Variants in PLXDC1 observed in about 807,000 individuals in gnomAD.
PLXDC1 encodes plexin domain-containing protein 1.
PLXDC1 carries 39 observed loss-of-function variants against 61.3 expected under a neutral mutation model. The ratio of observed to expected loss-of-function variants is 0.64; its 90% confidence interval spans 0.49 to 0.83. PLXDC1 has a LOEUF of 0.83. PLXDC1 is among the 40% of genes least tolerant of loss of function. PLXDC1 has a pLI of 0.00. For missense variants in PLXDC1, 596 were observed against 666.5 expected, an observed-to-expected ratio of 0.89 and a Z score of 1.17; for synonymous variants, 212 against 254.5, an observed-to-expected ratio of 0.83 and a Z score of 1.59.
At position 39,109,343 on chromosome 17, in the gene PLXDC1, GC is replaced by G. The variant is rs1355939303; in HGVS notation, c.303del (p.Glu101AspfsTer9). The G allele has an allele frequency of 6.2e-7, 1 of 1,608,310 alleles. No individual in the cohort carries two copies. Among genetic ancestry groups the G allele is most frequent in the East Asian group, 2.2e-5 (1 of 44,714 alleles). ...YYVSRLYGPS[E>X]PHSRELWVDV... ...TCTACCCACAGTTCCCGGCTGTGGG[GC>G]TCGCTGGGGCCATAGAGACGGGACA... is the stretch of plus-strand genomic sequence containing the variant. On this transcript the variant is annotated frameshift_variant, in exon 3 of 14. Transcript: ENST00000315392. LOFTEE classifies it high-confidence loss of function.
chr17:39,115,804 G>A (rs1910947612), intron 2 of PLXDC1, among the ~76,000 whole-genome samples: 1 of 152,170 alleles, frequency 6.6e-6, no homozygotes, highest in African/African-American at 2.4e-5. Flanking sequence ...TTCTCAGTGG[G>A]GAAACTGAGA....
At chr17:39,123,303 G>A (rs1404341133) in intron 2 of PLXDC1, among the ~76,000 whole-genome samples, 4 of 152,112 alleles carry the variant, frequency 2.6e-5, no homozygotes, top group African/African-American at 9.7e-5. Context: ...TGATTCTACT[G>A]CCTCAGCCTC....
At chr17:39,079,205 C>T in intron 9 of PLXDC1, 41 bp from the exon 10 acceptor site, 2 of 1,547,600 alleles carry the variant, frequency 1.3e-6, no homozygotes, top group Non-Finnish European at 1.8e-6. Context: ...ATGGGATTGA[C>T]AAAGAAGCCT....
chr17:39,071,710 A>C (rs1249989549), intron 12 of PLXDC1, among the ~76,000 whole-genome samples: 1 of 152,098 alleles, frequency 6.6e-6, no homozygotes, highest in Non-Finnish European at 1.5e-5. Context: ...CCCACAACAC[A>C]CACACACACC....
At chr17:39,103,352 A>C (rs1360725691) in intron 7 of PLXDC1, among the ~76,000 whole-genome samples, 1 of 152,084 alleles carries the variant, frequency 6.6e-6, no homozygotes, top group Non-Finnish European at 1.5e-5. Flanking sequence ...CCCAGGCAAC[A>C]TGGGAAAACC....
chr17:39,107,381 C>T (rs765980602), intron 6 of PLXDC1, 26 bp downstream of exon 6: 46 of 1,356,186 alleles, frequency 3.4e-5, no homozygotes, highest in Non-Finnish European at 4.7e-5. Flanking sequence ...CAAGACCCAG[C>T]TGTCTCTGCA....
At chr17:39,129,755 G>GAAAGGAAAGAAAAGC (rs1911496688) in intron 2 of PLXDC1, among the ~76,000 whole-genome samples, 1 of 146,260 alleles carries the variant, frequency 6.8e-6, no homozygotes, top group Non-Finnish European at 1.5e-5. Flanking sequence ...AGAAAAGCAA[G>GAAAGGAAAGAAAAGC]AAAGAAAGAA....
At chr17:39,150,906 G>A (rs1312385267) in intron 1 of PLXDC1, among the ~76,000 whole-genome samples, 1 of 152,194 alleles carries the variant, frequency 6.6e-6, no homozygotes, top group African/African-American at 2.4e-5. Context: ...CCCCCTGGCT[G>A]CTCCCACCTA....
intron 2 of PLXDC1, among the ~76,000 whole-genome samples, chr17:39,133,722 G>A (rs137943784): frequency 1.9e-3 from 283 of 152,196 alleles, no homozygotes; most frequent in African/African-American, 6.4e-3. Context: ...GGGCTCACGC[G>A]ATCCTACAGC....
chr17:39,147,272 A>G (rs2045348449), intron 1 of PLXDC1, among the ~76,000 whole-genome samples: 1 of 152,212 alleles, frequency 6.6e-6, no homozygotes, highest in Non-Finnish European at 1.5e-5. Flanking sequence ...CTGATTTAAC[A>G]TGAGAATGCA....
intron 10 of PLXDC1, among the ~76,000 whole-genome samples, chr17:39,078,287 A>G (rs1156928059): frequency 2.6e-5 from 4 of 152,106 alleles, no homozygotes; most frequent in Non-Finnish European, 4.4e-5. Context: ...TAATAAATAG[A>G]CTGTGGTAAG....
intron 7 of PLXDC1, among the ~76,000 whole-genome samples, chr17:39,098,033 G>A (rs954531949): frequency 6.6e-6 from 1 of 150,946 alleles, no homozygotes; most frequent in Non-Finnish European, 1.5e-5. Flanking sequence ...GTGAAACCCC[G>A]TCTCTGCTAA....
chr17:39,116,403 C>T (rs1473741657), intron 2 of PLXDC1, among the ~76,000 whole-genome samples: 2 of 152,146 alleles, frequency 1.3e-5, no homozygotes, highest in Non-Finnish European at 1.5e-5. Context: ...CATCTGCTTG[C>T]CAAATGAGCT....
rs1908853286 is a variant in PLXDC1, at chr17:39,065,363, T to G, written c.*2477A>C. ...ATAGAGTTAATGATTGTCTACAGGA[T>G]CCCTGACAATGTAAGCATTTCTTTT... On this transcript the variant is annotated 3_prime_UTR_variant, in exon 14 of 14. Transcript: ENST00000315392. 6.6e-6 allele frequency: 1 copy of G among 150,748 alleles called. No homozygotes were observed. Among genetic ancestry groups the G allele is most frequent in the Non-Finnish European group, 1.5e-5 (1 of 67,904 alleles). 9.3% of individuals were successfully genotyped at this position (150,748 alleles called of 1,614,324 possible). A position where few individuals can be genotyped will look rare whatever the true frequency, so the allele number is the denominator to read the frequency against.
chr17:39,134,275 GA>G (rs973966478), intron 2 of PLXDC1, among the ~76,000 whole-genome samples: 1 of 148,944 alleles, frequency 6.7e-6, no homozygotes, highest in African/African-American at 2.5e-5. Context: ...GAAAAGAAAA[GA>G]AAAAAAAATA....
At chr17:39,082,813 C>T (rs1478572192) in intron 9 of PLXDC1, among the ~76,000 whole-genome samples, 1 of 152,188 alleles carries the variant, frequency 6.6e-6, no homozygotes, top group Non-Finnish European at 1.5e-5. Context: ...GAAATGATTT[C>T]AGAACAAGGA....
intron 2 of PLXDC1, among the ~76,000 whole-genome samples, chr17:39,122,184 CT>C (rs1911184657): frequency 6.6e-6 from 1 of 150,518 alleles, no homozygotes; most frequent in South Asian, 2.1e-4. Context: ...AGGCGGATCA[CT>C]TGAAGTCAGG....
chr17:39,095,431 G>T (rs1275321335), intron 7 of PLXDC1, among the ~76,000 whole-genome samples: 1 of 126,566 alleles, frequency 7.9e-6, no homozygotes, highest in East Asian at 2.5e-4. Flanking sequence ...AACATCTGGA[G>T]CTTGCCCAAG....
At chr17:39,125,029 C>T (rs909071310) in intron 2 of PLXDC1, among the ~76,000 whole-genome samples, 2 of 152,202 alleles carry the variant, frequency 1.3e-5, no homozygotes, top group Non-Finnish European at 2.9e-5. Flanking sequence ...ATCAGCCAGG[C>T]TGGTCTCAAA....
Sources: gnomAD v4.1 joint callset for allele counts (sites outside exome capture counted in the v4.1 genomes callset) on GRCh38, gnomAD v4.1.1 for gene constraint, MANE v1.5 for transcripts, NCBI Gene and HGNC (gene_info 2026-07-23, HGNC 2026-07-21) for gene names.